Variants in EML1 observed in about 807,000 individuals in gnomAD.
EML1 encodes the protein echinoderm microtubule-associated protein-like 1.
Under a neutral mutation model 110.4 loss-of-function variants are expected in EML1, and 27 were observed. The observed-to-expected ratio is 0.24, with a 90% confidence interval of 0.18 to 0.34. EML1 has a LOEUF of 0.34. Among genes scored for constraint, EML1 ranks in the 10% least tolerant of loss-of-function variants. EML1 has a pLI of 1.00. For missense variants in EML1, 741 were observed against 1,030.9 expected, an observed-to-expected ratio of 0.72 and a Z score of 3.85; for synonymous variants, 344 against 385.8, an observed-to-expected ratio of 0.89 and a Z score of 1.27.
At position 99,857,231 on chromosome 14, in the gene EML1, A is replaced by C. The variant is rs149586885; in HGVS notation, c.250+6196A>C. On this transcript the variant is annotated intron_variant, in intron 2 of 21. Transcript: ENST00000262233. ...AGGCTGCAGTGAGCCGAGGTCACAC[A>C]CTGCACTTCAGCCTGGGCAACAGGG... is the stretch of plus-strand genomic sequence containing the variant. 2.6e-5 allele frequency among the ~76,000 whole-genome samples: 4 copies of C among 152,244 alleles called. No homozygotes were observed. The East Asian group carries it at 7.7e-4, about 29-fold the overall frequency.
chr14:99,909,889 G>C (rs1216554013), intron 11 of EML1, among the ~76,000 whole-genome samples: 1 of 152,200 alleles, frequency 6.6e-6, no homozygotes, highest in Non-Finnish European at 1.5e-5. Flanking sequence ...CCTGAGGCTT[G>C]TTTCGAGGAC....
chr14:99,830,797 C>G (rs560702085), intron 1 of EML1, among the ~76,000 whole-genome samples: 1 of 152,086 alleles, frequency 6.6e-6, no homozygotes, highest in Admixed American at 6.5e-5. Context: ...GTGATCCGCC[C>G]GCCTCAGCCT....
At chr14:99,824,773 C>T (rs537822444) in intron 1 of EML1, among the ~76,000 whole-genome samples, 1 of 151,850 alleles carries the variant, frequency 6.6e-6, no homozygotes, top group South Asian at 2.1e-4. Flanking sequence ...CCTCCCCCCT[C>T]CTACCCTCCA....
chr14:99,810,735 G>A (rs181410537), intron 1 of EML1, among the ~76,000 whole-genome samples: 74 of 152,258 alleles, frequency 4.9e-4, no homozygotes, highest in Non-Finnish European at 3.8e-4. Context: ...TAATCTATGT[G>A]ACTGCTTTGT....
chr14:99,795,575 T>C (rs1331032000), intron 1 of EML1, among the ~76,000 whole-genome samples: 1 of 152,238 alleles, frequency 6.6e-6, no homozygotes, highest in Non-Finnish European at 1.5e-5. Flanking sequence ...TGAAACATTT[T>C]AAGAGGCTTT....
intron 1 of EML1, chr14:99,839,020 A>C (rs1032937499): frequency 6.6e-6 from 1 of 152,092 alleles, no homozygotes; most frequent in Non-Finnish European, 1.5e-5. Flanking sequence ...TGTTGACTTC[A>C]TAACTGTGGT....
intron 17 of EML1, among the ~76,000 whole-genome samples, chr14:99,922,885 A>G (rs1207251492): frequency 3.3e-5 from 5 of 152,128 alleles, no homozygotes; most frequent in African/African-American, 1.2e-4. Context: ...CCGTATATAC[A>G]GTCTTTATCA....
intron 1 of EML1, among the ~76,000 whole-genome samples, chr14:99,815,721 G>A (rs2058156440): frequency 6.6e-6 from 1 of 152,204 alleles, no homozygotes; most frequent in Non-Finnish European, 1.5e-5. Flanking sequence ...GAAAATTTCT[G>A]AGTTACTCTT....
intron 1 of EML1, among the ~76,000 whole-genome samples, chr14:99,847,141 A>G (rs937582764): frequency 4.6e-5 from 7 of 152,186 alleles, no homozygotes; most frequent in African/African-American, 1.7e-4. Context: ...ATTTCCAAAT[A>G]TTTGTAGTTG....
chr14:99,812,511 A>G (rs953347226), intron 1 of EML1, among the ~76,000 whole-genome samples: 2 of 151,826 alleles, frequency 1.3e-5, no homozygotes, highest in African/African-American at 2.4e-5. Context: ...TCCACCTCCC[A>G]GTGACCATTC....
chr14:99,791,559 C>A (rs2057672158), upstream of EML1, among the ~76,000 whole-genome samples: 2 of 152,208 alleles, frequency 1.3e-5, no homozygotes, highest in East Asian at 3.8e-4. Flanking sequence ...CAGGGCACTT[C>A]TAATTGGAGG....
At chr14:99,778,858 C>T (rs967055203) in intron 1 of EML1, among the ~76,000 whole-genome samples, 5 of 152,260 alleles carry the variant, frequency 3.3e-5, no homozygotes, top group Non-Finnish European at 2.9e-5. Flanking sequence ...CATTCTAATT[C>T]TTAATTCTTT....
At position 99,863,736 on chromosome 14, in the gene EML1, G is replaced by A. The variant is rs1202212078; in HGVS notation, c.251-1778G>A. ...AGTTTGTTTATCTGTTCACCTATCA[G>A]AGGACATCTTGGTCGCTTCCCGTTT... On this transcript the variant is annotated intron_variant, in intron 2 of 21. Coordinates refer to ENST00000262233, the MANE Select transcript of EML1 (RefSeq NM_004434.3). Among the ~76,000 whole-genome samples the A allele has an allele frequency of 3.3e-5, 5 of 152,330 alleles. No homozygotes were observed. In the East Asian group the frequency reaches 7.7e-4, roughly 23 times the overall value.
intron 16 of EML1, among the ~76,000 whole-genome samples, chr14:99,918,343 A>T (rs2060069342): frequency 1.3e-5 from 2 of 151,944 alleles, no homozygotes; most frequent in Non-Finnish European, 1.5e-5. Context: ...CAGTCCTCCC[A>T]CCTCGGTCTC....
chr14:99,922,536 G>T (rs1253223061), intron 17 of EML1, among the ~76,000 whole-genome samples: 2 of 152,038 alleles, frequency 1.3e-5, no homozygotes, highest in Non-Finnish European at 2.9e-5. Context: ...TGAAATTGAC[G>T]GATTGTATGG....
chr14:99,817,128 T>A (rs1177034191), intron 1 of EML1, among the ~76,000 whole-genome samples: 1 of 152,186 alleles, frequency 6.6e-6, no homozygotes, highest in East Asian at 1.9e-4. Flanking sequence ...AAATTTATCC[T>A]TGGCAGCAAA....
At chr14:99,915,320 G>A (rs2060015200) in intron 15 of EML1, 1 of 151,304 alleles carries the variant, frequency 6.6e-6, no homozygotes, top group Non-Finnish European at 1.5e-5. Context: ...GCTGAGGCAG[G>A]AGAATTGCTT....
At chr14:99,822,348 A>G (rs543331216) in intron 1 of EML1, among the ~76,000 whole-genome samples, 2 of 152,292 alleles carry the variant, frequency 1.3e-5, no homozygotes, top group Non-Finnish European at 2.9e-5. Flanking sequence ...CTGGTAACTG[A>G]TGAATAATCA....
At chr14:99,738,002 C>G (rs1209734326) in intron 1 of EML1, 2 of 875,382 alleles carry the variant, frequency 2.3e-6, no homozygotes, top group African/African-American at 3.6e-5. Context: ...CCTGGGGGGC[C>G]TGTGCCGCTG....
Sources: allele counts gnomAD v4.1 joint callset (sites outside exome capture counted in the v4.1 genomes callset), GRCh38; gene constraint gnomAD v4.1.1; transcripts MANE v1.5; gene names NCBI Gene and HGNC (gene_info 2026-07-23, HGNC 2026-07-21).